Variants in ROCK2 observed in about 807,000 individuals in gnomAD.
ROCK2 encodes the protein Rho associated coiled-coil containing protein kinase 2, also known as rho-associated protein kinase 2.
A neutral mutation model predicts 195.1 loss-of-function variants in ROCK2; 61 were observed. The ratio of observed to expected loss-of-function variants is 0.31; its 90% CI spans 0.25 to 0.39. ROCK2 has a LOEUF of 0.39. ROCK2 is among the 10% of genes least tolerant of loss of function. The pLI, the probability that ROCK2 is intolerant of heterozygous loss-of-function variation, is 1.00. For synonymous variants in ROCK2, 504 were observed against 545.5 expected (o/e 0.92, Z 1.06); for missense variants, 1,109 against 1,637.4 (o/e 0.68, Z 5.57).
chr2:11,198,592 C>T lies in ROCK2; in HGVS notation c.3005-7G>A, dbSNP rs1221311419. 1 of 1,610,842 alleles carries T rather than the reference C, an allele frequency of 6.2e-7. No homozygotes were observed. Among genetic ancestry groups the T allele is most frequent in the Middle Eastern group, 1.7e-4 (1 of 5,926 alleles). On this transcript the variant is annotated splice_region_variant and splice_polypyrimidine_tract_variant and intron_variant, in intron 24 of 32. Transcript: ENST00000315872. ...TCTTTCAATCTTGACAGTTCTGAAA[C>T]ATGGAAAAAAGTTAAAATTACATTG... is the stretch of plus-strand genomic sequence containing the variant.
In ROCK2 at chr2:11,271,474, A is replaced by G. The variant is rs149468341; in HGVS notation, c.324+15065T>C. ...CTTATGAATCCTGGATCTTATAGCCATGGCTATTTGTTTGTCTCTCTAGTT... is the reference window on the plus strand; with the variant it reads ...CTTATGAATCCTGGATCTTATAGCCGTGGCTATTTGTTTGTCTCTCTAGTT... On this transcript the variant is annotated intron_variant, in intron 3 of 32. Transcript: ENST00000315872. Among the ~76,000 whole-genome samples the G allele has an allele frequency of 8.6e-3, 1,305 of 152,154 alleles. 19 individuals are homozygous for G. Among genetic ancestry groups the G allele is most frequent in the African/African-American group, 0.03 (1,242 of 41,524 alleles).
At chr2:11,279,705 C>T (rs1666937166) in intron 3 of ROCK2, among the ~76,000 whole-genome samples, 1 of 152,184 alleles carries the variant, frequency 6.6e-6, no homozygotes, top group Non-Finnish European at 1.5e-5. Flanking sequence ...CTATAGACTA[C>T]TTTATCCAAC....
At chr2:11,265,829 T>C (rs774299126) in intron 3 of ROCK2, among the ~76,000 whole-genome samples, 2 of 152,042 alleles carry the variant, frequency 1.3e-5, no homozygotes, top group Non-Finnish European at 2.9e-5. Context: ...GCAGGATTAC[T>C]CACACCTGTA....
In ROCK2 at chr2:11,194,749, A is replaced by T. The variant is rs554198961; in HGVS notation, c.3519+206T>A. On this transcript the variant is annotated intron_variant, in intron 28 of 32. Coordinates refer to ENST00000315872, the MANE Select transcript of ROCK2 (RefSeq NM_004850.5). Reference sequence around the variant, plus strand: ...TCAAAATCAACAATTTCCTAACAATAAAATCTGTCTTATTATTAACAAGGT... The same window carrying T: ...TCAAAATCAACAATTTCCTAACAATTAAATCTGTCTTATTATTAACAAGGT... 4.5e-4 allele frequency among the ~76,000 whole-genome samples: 68 copies of T among 151,698 alleles called. No individual in the cohort carries two copies. The East Asian group carries it at 6.2e-3, about 14-fold the overall frequency.
intron 1 of ROCK2, among the ~76,000 whole-genome samples, chr2:11,333,551 C>G (rs937076054): frequency 6.6e-5 from 10 of 152,058 alleles, no homozygotes; most frequent in Admixed American, 2.6e-4. Flanking sequence ...ATACTACAAA[C>G]ATGAAACAGT....
chr2:11,339,523 C>T lies in ROCK2; in HGVS notation c.141+4473G>A, dbSNP rs1189360860. Reference sequence around the variant, plus strand: ...CAGAAATGCTCCTAGCAACACTTTCCATAACAGAAAAAAAAAAACAAAAAA... The same window carrying T: ...CAGAAATGCTCCTAGCAACACTTTCTATAACAGAAAAAAAAAAACAAAAAA... On this transcript the variant is annotated intron_variant, in intron 1 of 32. Transcript: ENST00000315872. 5.6e-4 allele frequency among the ~76,000 whole-genome samples: 70 copies of T among 124,364 alleles called. 1 individual carries two copies. Among genetic ancestry groups the T allele is most frequent in the African/African-American group, 1.6e-3 (58 of 36,616 alleles). The allele number at this position is 124,364 out of a possible 152,430, so 81.6% of individuals were successfully genotyped here. A position where few individuals can be genotyped will look rare whatever the true frequency, so the allele number is the denominator to read the frequency against.
At chr2:11,251,539 A>G (rs1665831521) in intron 3 of ROCK2, among the ~76,000 whole-genome samples, 1 of 152,214 alleles carries the variant, frequency 6.6e-6, no homozygotes, top group Non-Finnish European at 1.5e-5. Context: ...ACTTAAATGT[A>G]AGACCTAAAA....
chr2:11,195,085 C>T, intron 27 of ROCK2, 60 bp from the exon 28 acceptor site: 1 of 894,446 alleles, frequency 1.1e-6, no homozygotes, highest in Non-Finnish European at 1.7e-6. Flanking sequence ...TAACAAAGAA[C>T]TTAATAAAAT....
intron 3 of ROCK2, among the ~76,000 whole-genome samples, chr2:11,286,187 A>AAATTTATC (rs1371906399): frequency 4.4e-4 from 31 of 71,036 alleles, no homozygotes; most frequent in Non-Finnish European, 2.9e-4. Flanking sequence ...TCAGTTATTA[A>AAATTTATC]AATTTATCTG....
At chr2:11,229,478 A>G (rs1044193484) in intron 5 of ROCK2, among the ~76,000 whole-genome samples, 3 of 151,906 alleles carry the variant, frequency 2.0e-5, no homozygotes, top group African/African-American at 4.8e-5. Context: ...GGAACAGGGT[A>G]TGGGAATATG....
chr2:11,285,609 T>C (rs988306704), intron 3 of ROCK2, among the ~76,000 whole-genome samples: 4 of 152,096 alleles, frequency 2.6e-5, no homozygotes, highest in African/African-American at 9.7e-5. Context: ...GGTAGATCCC[T>C]TGAGTCCAGA....
rs1351491488 is a variant in ROCK2 at position 11,218,917 on chromosome 2, A to G, written c.1320+49T>C. On this transcript the variant is annotated intron_variant, in intron 10 of 32. Transcript: ENST00000315872. Reference sequence around the variant, plus strand: ...TTAAAAACATGGGGATTACTAAAATATTTAAACATGAAACTAAAATAACTA... The same window carrying G: ...TTAAAAACATGGGGATTACTAAAATGTTTAAACATGAAACTAAAATAACTA... 3.6e-6 allele frequency: 4 copies of G among 1,124,626 alleles called. No homozygotes were observed. In the African/African-American group the frequency reaches 6.1e-5, roughly 17 times the overall value. 69.7% of individuals were successfully genotyped at this position (1,124,626 alleles called of 1,614,324 possible). A position where few individuals can be genotyped will look rare whatever the true frequency, so the allele number is the denominator to read the frequency against.
At chr2:11,237,733 T>C (rs1665260735) in intron 4 of ROCK2, among the ~76,000 whole-genome samples, 1 of 152,226 alleles carries the variant, frequency 6.6e-6, no homozygotes, top group African/African-American at 2.4e-5. Context: ...TGAAATTTTA[T>C]AATTGACAGA....
rs1006962630 is a variant in ROCK2, at chr2:11,184,835, C to G, written c.4164-1395G>C. The G allele has an allele frequency of 2.4e-5, 20 of 824,010 alleles. No individual in the cohort carries two copies. The Admixed American group carries it at 3.1e-4, about 13-fold the overall frequency. 51.0% of individuals were successfully genotyped at this position (824,010 alleles called of 1,614,324 possible). A position where few individuals can be genotyped will look rare whatever the true frequency, so the allele number is the denominator to read the frequency against. Reference sequence around the variant, plus strand: ...TAGAAACTGTAACTTAATGTTATGACTTAGAAATCATACTTTGAATGTGCT... The same window carrying G: ...TAGAAACTGTAACTTAATGTTATGAGTTAGAAATCATACTTTGAATGTGCT... On this transcript the variant is annotated intron_variant, in intron 32 of 32. Coordinates refer to ENST00000315872, the MANE Select transcript of ROCK2 (RefSeq NM_004850.5).
intron 1 of ROCK2, chr2:11,307,904 G>A (rs992432689): frequency 3.3e-5 from 41 of 1,236,502 alleles, no homozygotes; most frequent in South Asian, 6.1e-5. Flanking sequence ...GGTGGGTGGC[G>A]GTGGTGGCCG....
At chr2:11,295,882 A>G (rs1285439927) in intron 1 of ROCK2, among the ~76,000 whole-genome samples, 1 of 151,278 alleles carries the variant, frequency 6.6e-6, no homozygotes, top group Non-Finnish European at 1.5e-5. Context: ...ACTTAAACCC[A>G]AGAGGCGGAG....
In ROCK2 at chr2:11,198,474, G is replaced by T. The variant is rs373065682; in HGVS notation, c.3099+17C>A. On this transcript the variant is annotated intron_variant, in intron 25 of 32. Coordinates refer to ENST00000315872, the MANE Select transcript of ROCK2 (RefSeq NM_004850.5). ...GAGACAAAATTCAAAATCATATTTA[G>T]ATTCTATTATACATACTTGAGTTTT... 6.6e-7 allele frequency: 1 copy of T among 1,511,358 alleles called. No homozygotes were observed. Among genetic ancestry groups the T allele is most frequent in the Non-Finnish European group, 9.1e-7 (1 of 1,094,370 alleles). 93.6% of individuals were successfully genotyped at this position (1,511,358 alleles called of 1,614,324 possible).
At chr2:11,299,104 TA>T (rs1031615954) in intron 1 of ROCK2, among the ~76,000 whole-genome samples, 290 of 142,518 alleles carry the variant, frequency 2.0e-3, no homozygotes, top group Admixed American at 1.9e-3. Context: ...CTGTCTCTAC[TA>T]AAAAAAAAAA....
intron 1 of ROCK2, among the ~76,000 whole-genome samples, chr2:11,326,029 C>G (rs977075550): frequency 2.0e-5 from 3 of 151,762 alleles, no homozygotes; most frequent in African/African-American, 7.3e-5. Flanking sequence ...AGATTTGGAG[C>G]AATAGGGGAA....
Sources: gnomAD v4.1 joint callset for allele counts (sites outside exome capture counted in the v4.1 genomes callset) on GRCh38, gnomAD v4.1.1 for gene constraint, MANE v1.5 for transcripts, NCBI Gene and HGNC (gene_info 2026-07-23, HGNC 2026-07-21) for gene names.